The following INPP4B variants were observed in gnomAD, a reference collection of about 807,000 sequenced individuals.
The protein encoded by INPP4B is inositol polyphosphate 4-phosphatase type II.
A neutral mutation model predicts 122.5 loss-of-function variants in INPP4B; 55 were observed. The observed-to-expected ratio is 0.45, with a 90% CI of 0.36 to 0.56. INPP4B has a LOEUF of 0.56. Among genes scored for constraint, INPP4B ranks in the 20% least tolerant of loss-of-function variants. The pLI is 0.00. For synonymous variants in INPP4B, 403 were observed against 388.7 expected (o/e 1.04, Z -0.43); for missense variants, 1,000 against 1,097.7 (o/e 0.91, Z 1.26).
intron 2 of INPP4B, among the ~76,000 whole-genome samples, chr4:142,676,469 T>C (rs1181274145): frequency 6.6e-6 from 1 of 152,136 alleles, no homozygotes; most frequent in African/African-American, 2.4e-5. Flanking sequence ...TTCACTTTCT[T>C]CACAGAATTG....
chr4:142,589,364 A>C (rs1417512389), intron 2 of INPP4B, among the ~76,000 whole-genome samples: 1 of 152,090 alleles, frequency 6.6e-6, no homozygotes, highest in African/African-American at 2.4e-5. Context: ...GACAAGACAC[A>C]GACTAGAATA....
chr4:142,796,059 G>A (rs567934943), intron 1 of INPP4B, among the ~76,000 whole-genome samples: 1 of 151,838 alleles, frequency 6.6e-6, no homozygotes, highest in Non-Finnish European at 1.5e-5. Flanking sequence ...ACCCCTTATT[G>A]TTGAATTTGG....
At chr4:142,514,983 A>G (rs989302862) in intron 2 of INPP4B, among the ~76,000 whole-genome samples, 1 of 151,774 alleles carries the variant, frequency 6.6e-6, no homozygotes, top group Non-Finnish European at 1.5e-5. Context: ...TTTAGTAGAG[A>G]TGGGATTTCA....
chr4:142,753,517 A>G (rs995498038), intron 1 of INPP4B, among the ~76,000 whole-genome samples: 1 of 152,036 alleles, frequency 6.6e-6, no homozygotes, highest in Admixed American at 6.6e-5. Context: ...AGAATCTCTC[A>G]AAACAAATGT....
At chr4:142,336,479 G>C (rs1776631176) in intron 7 of INPP4B, among the ~76,000 whole-genome samples, 2 of 152,206 alleles carry the variant, frequency 1.3e-5, no homozygotes, top group Non-Finnish European at 2.9e-5. Flanking sequence ...ACACGTTTCT[G>C]TTCACTGCCC....
chr4:142,734,958 A>G (rs890430455), intron 1 of INPP4B, among the ~76,000 whole-genome samples: 3 of 152,118 alleles, frequency 2.0e-5, no homozygotes, highest in Non-Finnish European at 4.4e-5. Context: ...TTTTTAAATA[A>G]TTCCTGATTT....
intron 7 of INPP4B, among the ~76,000 whole-genome samples, chr4:142,396,120 C>T (rs1054181694): frequency 6.6e-5 from 10 of 152,056 alleles, no homozygotes; most frequent in African/African-American, 2.4e-4. Context: ...ATAAACTGGA[C>T]TTAATCAGAA....
chr4:142,265,208 G>A (rs1166079060), intron 10 of INPP4B, among the ~76,000 whole-genome samples: 1 of 152,178 alleles, frequency 6.6e-6, no homozygotes, highest in African/African-American at 2.4e-5. Context: ...TGTCATGACA[G>A]CCCAAGCTGA....
intron 5 of INPP4B, among the ~76,000 whole-genome samples, chr4:142,407,564 A>G (rs1325089674): frequency 6.6e-6 from 1 of 152,212 alleles, no homozygotes; most frequent in Non-Finnish European, 1.5e-5. Context: ...AAAAATAATG[A>G]TGATGCTTTG....
chr4:142,808,643 C>T (rs76512437), intron 1 of INPP4B, among the ~76,000 whole-genome samples: 5,918 of 152,212 alleles, frequency 0.039, 163 homozygotes, highest in Middle Eastern at 0.071. Flanking sequence ...GTGGAAATAG[C>T]CTTTGACAAT....
At chr4:142,582,627 G>A (rs568518775) in intron 2 of INPP4B, among the ~76,000 whole-genome samples, 21 of 152,256 alleles carry the variant, frequency 1.4e-4, no homozygotes, top group African/African-American at 4.6e-4. Flanking sequence ...TCTAACCAAA[G>A]AGGAAAGGAG....
Position 142,270,550 on chromosome 4 carries a change from T to C in INPP4B, c.615+113A>G, listed in dbSNP as rs926186239. ...TTCCAATTTCAGAGCTGTTGTCCCA[T>C]TTAGGTTTTGATAATGAGATTTCAA... is the stretch of plus-strand genomic sequence containing the variant. On this transcript the variant is annotated intron_variant, in intron 10 of 25. Transcript: ENST00000262992. 5.5e-6 allele frequency: 4 copies of C among 729,168 alleles called. No individual in the cohort carries two copies. In the Admixed American group the frequency reaches 8.5e-5, roughly 16 times the overall value. The allele number at this position is 729,168 out of a possible 1,614,324, so 45.2% of individuals were successfully genotyped here.
chr4:142,439,137 G>T (rs974071841), intron 3 of INPP4B, among the ~76,000 whole-genome samples: 1 of 152,064 alleles, frequency 6.6e-6, no homozygotes, highest in Non-Finnish European at 1.5e-5. Flanking sequence ...CTCCTAGATC[G>T]CTCCAAGTGC....
rs2149356394 is a variant in INPP4B at position 142,193,034 on chromosome 4, C to T, written c.1181+53G>A. Reference sequence around the variant, plus strand: ...CAATCACCTTGTATATAGACTTCCCCAAAGGGGAGATGTTATTAATGGAAT... The same window carrying T: ...CAATCACCTTGTATATAGACTTCCCTAAAGGGGAGATGTTATTAATGGAAT... On this transcript the variant is annotated intron_variant, in intron 15 of 25. Transcript: ENST00000262992. The T allele has an allele frequency of 7.3e-6, 8 of 1,097,182 alleles. No individual in the cohort carries two copies. In the South Asian group the frequency reaches 1.0e-4, roughly 14 times the overall value. The allele number at this position is 1,097,182 out of a possible 1,614,324, so 68.0% of individuals were successfully genotyped here. A position where few individuals can be genotyped will look rare whatever the true frequency, so the allele number is the denominator to read the frequency against.
chr4:142,572,872 A>G (rs1010049102), intron 2 of INPP4B, among the ~76,000 whole-genome samples: 10 of 151,038 alleles, frequency 6.6e-5, no homozygotes, highest in African/African-American at 2.4e-4. Flanking sequence ...ATATACATAT[A>G]TATGCTTTTA....
intron 11 of INPP4B, among the ~76,000 whole-genome samples, chr4:142,238,502 A>G (rs111473330): frequency 0.034 from 5,226 of 152,166 alleles, 285 homozygotes; most frequent in African/African-American, 0.12. Context: ...TCACAAACTG[A>G]TATGTTATTT....
At chr4:142,168,310 A>G (rs1438884926) in intron 16 of INPP4B, among the ~76,000 whole-genome samples, 1 of 150,190 alleles carries the variant, frequency 6.7e-6, no homozygotes, top group Non-Finnish European at 1.5e-5. Context: ...ATATTCCTTG[A>G]TTTTTCTTCT....
At chr4:142,638,204 T>A (rs1044711804) in intron 2 of INPP4B, among the ~76,000 whole-genome samples, 1 of 152,200 alleles carries the variant, frequency 6.6e-6, no homozygotes, top group African/African-American at 2.4e-5. Context: ...TTTAGTAAAG[T>A]CCAGCTTACC....
At chr4:142,492,805 A>G (rs2149788522) in intron 2 of INPP4B, among the ~76,000 whole-genome samples, 1 of 152,288 alleles carries the variant, frequency 6.6e-6, no homozygotes, top group African/African-American at 2.4e-5. Context: ...GAGAAATCCA[A>G]GCTTGCTGCA....
Sources: allele counts gnomAD v4.1 joint callset (sites outside exome capture counted in the v4.1 genomes callset), GRCh38; gene constraint gnomAD v4.1.1; transcripts MANE v1.5; gene names NCBI Gene and HGNC (gene_info 2026-07-23, HGNC 2026-07-21).